Variants in ACSL1 observed in about 807,000 individuals in gnomAD.
ACSL1 encodes acyl-CoA synthetase long chain family member 1, also known as long-chain-fatty-acid--CoA ligase 1.
ACSL1 carries 41 observed loss-of-function variants against 98.4 expected under a neutral mutation model. The ratio of observed to expected loss-of-function variants is 0.42; its 90% CI spans 0.32 to 0.54. The LOEUF is 0.54. ACSL1 is among the 20% of genes least tolerant of loss of function. The pLI, the probability that ACSL1 is intolerant of heterozygous loss-of-function variation, is 0.13. For missense variants in ACSL1, 734 were observed against 883.1 expected (o/e 0.83, Z 2.14); for synonymous variants, 316 against 322.7 (o/e 0.98, Z 0.22).
chr4:184,803,260 C>T lies in ACSL1; in HGVS notation c.195+60G>A. On this transcript the variant is annotated intron_variant, in intron 2 of 20. Transcript: ENST00000281455. The surrounding 1 kb of genome is among the most constrained non-coding windows in gnomAD (Gnocchi z 4.8). ...TTGATGGCTATCACATTCAACAGGGCTCAGCTCATCTGGGGAAATGCGGAG... is the reference window on the plus strand; with the variant it reads ...TTGATGGCTATCACATTCAACAGGGTTCAGCTCATCTGGGGAAATGCGGAG... The T allele has an allele frequency of 1.4e-6, 2 of 1,398,898 alleles. No individual in the cohort carries two copies. The highest frequency in any genetic ancestry group is 1.9e-6 in the Non-Finnish European group (2 of 1,045,318). The allele number at this position is 1,398,898 out of a possible 1,614,324, so 86.7% of individuals were successfully genotyped here.
chr4:184,794,840 C>T (rs183618687), intron 2 of ACSL1, among the ~76,000 whole-genome samples: 19 of 152,272 alleles, frequency 1.2e-4, no homozygotes, highest in African/African-American at 1.2e-4. Context: ...GATTTTTCAA[C>T]ACTTGCTCCT....
At chr4:184,821,978 G>C (rs1261533242) in intron 1 of ACSL1, among the ~76,000 whole-genome samples, 2 of 152,118 alleles carry the variant, frequency 1.3e-5, no homozygotes, top group Non-Finnish European at 2.9e-5. Flanking sequence ...ATTTTCTCCA[G>C]TAAGTATGTA....
chr4:184,812,517 G>A (rs1242807321), intron 1 of ACSL1, among the ~76,000 whole-genome samples: 1 of 152,048 alleles, frequency 6.6e-6, no homozygotes, highest in African/African-American at 2.4e-5. Flanking sequence ...CTGACTGGGG[G>A]AAAAAGAAAA....
chr4:184,772,224 A>G (rs978184913), intron 10 of ACSL1, among the ~76,000 whole-genome samples: 3 of 152,232 alleles, frequency 2.0e-5, no homozygotes, highest in African/African-American at 2.4e-5. Flanking sequence ...GAAAGTATAC[A>G]TCTTTAAAAA....
chr4:184,795,505 T>C (rs985786553), intron 2 of ACSL1, among the ~76,000 whole-genome samples: 1 of 152,204 alleles, frequency 6.6e-6, no homozygotes, highest in African/African-American at 2.4e-5. Flanking sequence ...AGCCCGGAAA[T>C]AGTTTTTTAA....
Position 184,773,005 on chromosome 4 carries a change from G to T in ACSL1, c.915+76C>A. 1 of 1,411,424 alleles carries T rather than the reference G, an allele frequency of 7.1e-7. No individual in the cohort carries two copies. The highest frequency in any genetic ancestry group is 1.0e-6 in the Non-Finnish European group (1 of 1,003,500). 87.4% of individuals were successfully genotyped at this position (1,411,424 alleles called of 1,614,324 possible). A position where few individuals can be genotyped will look rare whatever the true frequency, so the allele number is the denominator to read the frequency against. On this transcript the variant is annotated intron_variant, in intron 10 of 20. Transcript: ENST00000281455. The surrounding 1 kb of genome is among the most constrained non-coding windows in gnomAD (Gnocchi z 4.3). ...TGCCACATGGACCTAACACACTGGT[G>T]CCCACCTTCAGCACTTTCATTCTCA... is the stretch of plus-strand genomic sequence containing the variant.
At chr4:184,802,368 G>C (rs1197756772) in intron 2 of ACSL1, among the ~76,000 whole-genome samples, 3 of 152,180 alleles carry the variant, frequency 2.0e-5, no homozygotes, top group Non-Finnish European at 2.9e-5. Context: ...CAGCCCGGGG[G>C]GGTGGGGGAG....
chr4:184,822,691 A>G (rs897860040), intron 1 of ACSL1, among the ~76,000 whole-genome samples: 2 of 152,116 alleles, frequency 1.3e-5, no homozygotes, highest in African/African-American at 4.8e-5. Flanking sequence ...GCAACGAGCC[A>G]TGATCATGCC....
intron 1 of ACSL1, among the ~76,000 whole-genome samples, chr4:184,811,290 T>C (rs1772062036): frequency 6.6e-6 from 1 of 151,968 alleles, no homozygotes; most frequent in South Asian, 2.1e-4. Context: ...TTTTTTGTAT[T>C]TTTAGTAGAG....
Position 184,767,379 on chromosome 4 carries a change from G to A in ACSL1, c.1129-623C>T, listed in dbSNP as rs1002294600. Reference sequence around the variant, plus strand: ...GTTAAAAGGAATGAAGTGCTAATACGTGCTACATGGATGCTTGTGAAAGAC... The same window carrying A: ...GTTAAAAGGAATGAAGTGCTAATACATGCTACATGGATGCTTGTGAAAGAC... On this transcript the variant is annotated intron_variant, in intron 12 of 20. Coordinates refer to ENST00000281455, the MANE Select transcript of ACSL1 (RefSeq NM_001995.5). Among the ~76,000 whole-genome samples the A allele has an allele frequency of 2.0e-5, 3 of 151,980 alleles. 1 individual carries two copies. Among genetic ancestry groups the A allele is most frequent in the Admixed American group, 2.0e-4 (3 of 15,256 alleles).
chr4:184,767,185 G>C (rs932417195), intron 12 of ACSL1, among the ~76,000 whole-genome samples: 1 of 151,704 alleles, frequency 6.6e-6, no homozygotes, highest in East Asian at 1.9e-4. Context: ...AGGAGGCTAA[G>C]GTGGGAGGAC....
chr4:184,812,618 T>C (rs1318529023), intron 1 of ACSL1, among the ~76,000 whole-genome samples: 3 of 152,188 alleles, frequency 2.0e-5, no homozygotes, highest in South Asian at 2.1e-4. Context: ...GTTTCACTTA[T>C]GTAGAATGTC....
At chr4:184,763,079 G>T in intron 16 of ACSL1, 88 bp downstream of exon 16, 1 of 1,333,318 alleles carries the variant, frequency 7.5e-7, no homozygotes, top group Non-Finnish European at 1.0e-6. Context: ...TGGCTTTATT[G>T]AGCTGTTGGG....
At position 184,760,493 on chromosome 4, in the gene ACSL1, G is replaced by A; in HGVS notation, c.1646C>T (p.Thr549Ile). Reference protein sequence around the residue: ...GDIGKWLPNGTLKIIDRKKHI... With the variant: ...GDIGKWLPNGILKIIDRKKHI... ...CTTTTTCCGGTCGATAATTTTCAAG[G>A]TGCCATTCTGTTGATCAGAGGGGAG... Residue 549 changes from threonine (T) to isoleucine (I), a missense_variant, in exon 18 of 21, where the codon ACC (threonine) becomes ATC (isoleucine). Thr to Ile is a moderately conservative substitution (Grantham distance 89). Transcript: ENST00000281455. The A allele has an allele frequency of 6.2e-7, 1 of 1,614,078 alleles. No homozygotes were observed. The highest frequency in any genetic ancestry group is 1.1e-5 in the South Asian group (1 of 91,084).
In ACSL1 at chr4:184,786,430, A is replaced by G. The variant is rs1412175777; in HGVS notation, c.310+2187T>C. ...TGGTGGTGGCAAAGCACACACACAC[A>G]CACACACACACACACACACACACAC... On this transcript the variant is annotated intron_variant, in intron 3 of 20. Coordinates refer to ENST00000281455, the MANE Select transcript of ACSL1 (RefSeq NM_001995.5). 6.0e-3 allele frequency among the ~76,000 whole-genome samples: 841 copies of G among 140,858 alleles called. 4 individuals carry two copies. Among genetic ancestry groups the G allele is most frequent in the East Asian group, 0.015 (75 of 4,984 alleles). 92.4% of individuals were successfully genotyped at this position (140,858 alleles called of 152,430 possible). A position where few individuals can be genotyped will look rare whatever the true frequency, so the allele number is the denominator to read the frequency against.
chr4:184,809,561 G>T (rs1415073646), intron 1 of ACSL1, among the ~76,000 whole-genome samples: 1 of 152,162 alleles, frequency 6.6e-6, no homozygotes, highest in African/African-American at 2.4e-5. Context: ...GGGAGGCCGA[G>T]GCGGGCAGAT....
intron 11 of ACSL1, among the ~76,000 whole-genome samples, chr4:184,770,038 A>C (rs893242200): frequency 2.0e-5 from 3 of 152,228 alleles, no homozygotes; most frequent in Non-Finnish European, 4.4e-5. Flanking sequence ...TGAATTAATA[A>C]TGACTTTACC....
In ACSL1 at chr4:184,788,836, T is replaced by A; in HGVS notation, c.196-105A>T. The A allele has an allele frequency of 6.0e-6, 5 of 831,084 alleles. No homozygotes were observed. The South Asian group carries it at 7.8e-5, about 13-fold the overall frequency. 51.5% of individuals were successfully genotyped at this position (831,084 alleles called of 1,614,324 possible). A position where few individuals can be genotyped will look rare whatever the true frequency, so the allele number is the denominator to read the frequency against. Reference sequence around the variant, plus strand: ...ACATATCCATTCCTTTACATTCTTGTCACTTATCTGTAGTGAGAACACTTA... The same window carrying A: ...ACATATCCATTCCTTTACATTCTTGACACTTATCTGTAGTGAGAACACTTA... On this transcript the variant is annotated intron_variant, in intron 2 of 20. Coordinates refer to ENST00000281455, the MANE Select transcript of ACSL1 (RefSeq NM_001995.5).
At chr4:184,808,631 C>T (rs1186127565) in intron 1 of ACSL1, 2 of 368,664 alleles carry the variant, frequency 5.4e-6, no homozygotes, top group Non-Finnish European at 7.5e-6. Flanking sequence ...GCTCAGGCTT[C>T]AGGGAGGAAC....
Sources: gnomAD v4.1 joint callset for allele counts (sites outside exome capture counted in the v4.1 genomes callset) on GRCh38, gnomAD v4.1.1 for gene constraint, Gnocchi (gnomAD v3.1) non-coding constraint, MANE v1.5 for transcripts, NCBI Gene and HGNC (gene_info 2026-07-23, HGNC 2026-07-21) for gene names.